The following ENPP3 variants were observed in gnomAD, a reference collection of about 807,000 sequenced individuals.
The protein encoded by ENPP3 is ectonucleotide pyrophosphatase/phosphodiesterase family member 3.
ENPP3 carries 104 observed loss-of-function variants against 117.8 expected under a neutral mutation model. The observed-to-expected ratio is 0.88, with a 90% CI of 0.75 to 1.04. The LOEUF is 1.04. Among genes scored for constraint, ENPP3 ranks in the 50% least tolerant of loss-of-function variants. ENPP3 has a pLI of 0.00. For synonymous variants in ENPP3, 380 were observed against 349.9 expected (o/e 1.09, Z -0.96); for missense variants, 1,026 against 1,051.9 (o/e 0.98, Z 0.34).
At chr6:131,664,381 C>A (rs183045902) in intron 6 of ENPP3, among the ~76,000 whole-genome samples, 1 of 151,906 alleles carries the variant, frequency 6.6e-6, no homozygotes, top group African/African-American at 2.4e-5. Flanking sequence ...TACAACTGTG[C>A]AATGTGTTTG....
chr6:131,675,096 T>C lies in ENPP3; in HGVS notation c.779T>C (p.Met260Thr). 6.2e-7 allele frequency: 1 copy of C among 1,612,786 alleles called. No individual in the cohort carries two copies. The highest frequency in any genetic ancestry group is 1.1e-5 in the South Asian group (1 of 91,042). ...TTCTTACAGATGTGGCTGACAGCAA[T>C]GTATCAAGGTTTAAAAGCCGCTACC... The part of the protein sequence containing the change: ...WHGQPMWLTA[M>T]YQGLKAATYF... Residue 260 changes from methionine (M) to threonine (T), a missense_variant, in exon 9 of 25, where the codon ATG becomes ACG. Met to Thr is a moderately conservative substitution (Grantham distance 81, BLOSUM62 -1). Transcript: ENST00000357639.
intron 22 of ENPP3, among the ~76,000 whole-genome samples, chr6:131,737,685 A>G (rs1473488775): frequency 6.6e-6 from 1 of 152,186 alleles, no homozygotes; most frequent in Non-Finnish European, 1.5e-5. Context: ...ACTCACTAAA[A>G]GTAAATCAAA....
chr6:131,737,066 C>T (rs1780412254), intron 21 of ENPP3, among the ~76,000 whole-genome samples: 2 of 152,174 alleles, frequency 1.3e-5, no homozygotes, highest in Admixed American at 1.3e-4. Flanking sequence ...CCAGGATAAT[C>T]TCATCTAGAG....
chr6:131,667,626 T>C (rs1379981724), intron 6 of ENPP3, among the ~76,000 whole-genome samples: 1 of 152,206 alleles, frequency 6.6e-6, no homozygotes, highest in African/African-American at 2.4e-5. Context: ...AGTTGAGAGT[T>C]CTCTCCTGAT....
intron 15 of ENPP3, among the ~76,000 whole-genome samples, chr6:131,702,230 A>C (rs1477859929): frequency 6.6e-6 from 1 of 151,974 alleles, no homozygotes; most frequent in Non-Finnish European, 1.5e-5. Flanking sequence ...AACCACATTA[A>C]GTTTAATCTT....
At chr6:131,678,622 A>G (rs1778923795) in intron 11 of ENPP3, among the ~76,000 whole-genome samples, 1 of 152,236 alleles carries the variant, frequency 6.6e-6, no homozygotes, top group Admixed American at 6.5e-5. Flanking sequence ...CACCCCATGG[A>G]AACTCGTTGA....
At chr6:131,673,986 A>G (rs529072133) in intron 7 of ENPP3, among the ~76,000 whole-genome samples, 176 bp from the exon 8 acceptor site, 2 of 152,290 alleles carry the variant, frequency 1.3e-5, no homozygotes, top group Middle Eastern at 3.4e-3. Flanking sequence ...CTAATGCCCT[A>G]TGAAAGCCAA....
chr6:131,729,721 C>G (rs538744030), intron 20 of ENPP3, among the ~76,000 whole-genome samples: 1 of 152,200 alleles, frequency 6.6e-6, no homozygotes, highest in East Asian at 1.9e-4. Context: ...CCCCTCCATC[C>G]TTCTAATGGG....
intron 1 of ENPP3, 77 bp from the exon 2 acceptor site, chr6:131,641,378 A>G (rs1778036294): frequency 1.1e-6 from 1 of 880,300 alleles, no homozygotes; most frequent in Admixed American, 2.0e-5. Context: ...TAGAGAGAAT[A>G]CTGAGAAAGG....
intron 15 of ENPP3, among the ~76,000 whole-genome samples, chr6:131,706,846 T>C (rs1779649430): frequency 6.6e-6 from 1 of 152,090 alleles, no homozygotes. Flanking sequence ...ATCAAGTAAG[T>C]TATACATATC....
intron 21 of ENPP3, among the ~76,000 whole-genome samples, chr6:131,735,083 G>A (rs1780367027): frequency 6.6e-6 from 1 of 151,826 alleles, no homozygotes; most frequent in South Asian, 2.1e-4. Context: ...GGTGGCTCAT[G>A]GTCATAATCC....
rs184105322 is a variant in ENPP3, at chr6:131,696,942, T to A, written c.1412+3318T>A. 3.3e-3 allele frequency among the ~76,000 whole-genome samples: 498 copies of A among 152,184 alleles called. 4 individuals are homozygous for A. The highest frequency in any genetic ancestry group is 0.011 in the African/African-American group (449 of 41,524). On this transcript the variant is annotated intron_variant, in intron 15 of 24. Coordinates refer to ENST00000357639, the MANE Select transcript of ENPP3 (RefSeq NM_005021.5). ...CCACCACCACACCCAGCTAATTTTT[T>A]GTATTTCTAGTAGAGACGAGGTTTC...
intron 21 of ENPP3, among the ~76,000 whole-genome samples, chr6:131,735,244 T>G (rs947493168): frequency 6.6e-6 from 1 of 152,168 alleles, no homozygotes; most frequent in African/African-American, 2.4e-5. Context: ...TCCAATTATT[T>G]GTTAAAAATA....
chr6:131,746,991 A>T lies in ENPP3; in HGVS notation c.*35A>T. 8.1e-7 allele frequency: 1 copy of T among 1,229,028 alleles called. No homozygotes were observed. The highest frequency in any genetic ancestry group is 2.0e-5 in the South Asian group (1 of 49,620). The allele number at this position is 1,229,028 out of a possible 1,614,324, so 76.1% of individuals were successfully genotyped here. A position where few individuals can be genotyped will look rare whatever the true frequency, so the allele number is the denominator to read the frequency against. On this transcript the variant is annotated 3_prime_UTR_variant, in exon 25 of 25. Transcript: ENST00000357639. ...GTCTACTTAATATATAATTTACTGT[A>T]TAAAGTAATTTTGGCAAAATATAAG...
intron 3 of ENPP3, among the ~76,000 whole-genome samples, chr6:131,650,530 A>G (rs1778241369): frequency 6.6e-6 from 1 of 152,136 alleles, no homozygotes; most frequent in African/African-American, 2.4e-5. Flanking sequence ...GGCTGTGTCC[A>G]AATTTTCACC....
chr6:131,637,731 A>G (rs1374214483), intron 1 of ENPP3, among the ~76,000 whole-genome samples: 4 of 152,184 alleles, frequency 2.6e-5, no homozygotes, highest in Non-Finnish European at 5.9e-5. Context: ...GATTTTTTGC[A>G]TGATTATAAC....
At chr6:131,678,939 T>TTCTTTC (rs1242527905) in intron 11 of ENPP3, among the ~76,000 whole-genome samples, 1 of 90,778 alleles carries the variant, frequency 1.1e-5, no homozygotes, top group Non-Finnish European at 1.9e-5. Context: ...CTTTCTTTCT[T>TTCTTTC]TCTTTCTTTC....
At chr6:131,663,354 A>G (rs1294898861) in intron 6 of ENPP3, among the ~76,000 whole-genome samples, 2 of 151,948 alleles carry the variant, frequency 1.3e-5, no homozygotes, top group African/African-American at 4.8e-5. Flanking sequence ...CAGACTGCAT[A>G]TATAATGGCG....
chr6:131,643,269 G>A (rs1384551321), intron 2 of ENPP3, among the ~76,000 whole-genome samples: 1 of 152,174 alleles, frequency 6.6e-6, no homozygotes, highest in Non-Finnish European at 1.5e-5. Context: ...TTTGATGTTA[G>A]TACACACAAA....
Sources: allele counts gnomAD v4.1 joint callset (sites outside exome capture counted in the v4.1 genomes callset), GRCh38; gene constraint gnomAD v4.1.1; transcripts MANE v1.5; gene names NCBI Gene and HGNC (gene_info 2026-07-23, HGNC 2026-07-21).